Variants in CLCA1 observed in about 807,000 individuals in gnomAD.
CLCA1 encodes the protein calcium-activated chloride channel regulator 1.
A neutral mutation model predicts 85.6 loss-of-function variants in CLCA1; 59 were observed. The observed-to-expected ratio is 0.69, with a 90% confidence interval of 0.56 to 0.86. The LOEUF is 0.86. Ranked by LOEUF, CLCA1 falls within the 40% of genes least tolerant of loss-of-function variation. CLCA1 has a pLI of 0.00. For synonymous variants in CLCA1, 396 were observed against 398.3 expected, an observed-to-expected ratio of 0.99 and a Z score of 0.07; for missense variants, 1,022 against 1,101.4, an observed-to-expected ratio of 0.93 and a Z score of 1.02.
chr1:86,488,244 C>T (rs1368650164), intron 7 of CLCA1, among the ~76,000 whole-genome samples: 3 of 146,878 alleles, frequency 2.0e-5, no homozygotes, highest in African/African-American at 8.2e-5. Flanking sequence ...CCTTCCACTC[C>T]GTTTAGGGGA....
chr1:86,494,417 A>C lies in CLCA1; in HGVS notation c.1911A>C (p.Thr637=). 6.2e-7 allele frequency: 1 copy of C among 1,614,238 alleles called. No homozygotes were observed. Among genetic ancestry groups the C allele is most frequent in the Non-Finnish European group, 8.5e-7 (1 of 1,180,028 alleles). Residue 637 remains threonine (T), a synonymous_variant, in exon 11 of 14, where the codon ACA becomes ACC. Coordinates refer to ENST00000394711, the MANE Select transcript of CLCA1 (RefSeq NM_001285.4). ...TALIESVNGK[T]VTLELLDNGA... The stretch of plus-strand genomic sequence containing the variant: ...TGATTGAATCAGTGAATGGAAAAAC[A>C]GTTACCTTGGAACTACTGGATAATG...
intron 12 of CLCA1, among the ~76,000 whole-genome samples, chr1:86,496,188 T>C (rs933673204): frequency 6.6e-6 from 1 of 152,176 alleles, no homozygotes; most frequent in African/African-American, 2.4e-5. Context: ...TTAATAAAGG[T>C]TTTATCATTA....
rs746120263 is a variant in CLCA1 at position 86,499,847 on chromosome 1, G to A, written c.2547G>A (p.Lys849=). 6 of 1,613,338 alleles carry A rather than the reference G, an allele frequency of 3.7e-6. No individual in the cohort carries two copies. Among genetic ancestry groups the A allele is most frequent in the Admixed American group, 1.7e-5 (1 of 60,008 alleles). ...TCATTGCTATTCAGGCTGTTGATAA[G>A]GTCGATCTGAAATCAGAAATATCCA... is the stretch of plus-strand genomic sequence containing the variant. ...DLFIAIQAVD[K]VDLKSEISNI... The change falls in exon 14 of 14, where the codon AAG becomes AAA. Residue 849 remains lysine (K), a synonymous_variant. Transcript: ENST00000394711.
chr1:86,499,793 C>T lies in CLCA1; in HGVS notation c.2493C>T (p.Asn831=), dbSNP rs976324650. 3.7e-6 allele frequency: 6 copies of T among 1,613,980 alleles called. No individual in the cohort carries two copies. The African/African-American group carries it at 5.3e-5, about 14-fold the overall frequency. Residue 831 remains asparagine, a synonymous_variant, in exon 14 of 14, where the codon AAC becomes AAT. Coordinates refer to ENST00000394711, the MANE Select transcript of CLCA1 (RefSeq NM_001285.4). ...SEEVFLFKPE[N]ITFENGTDLF... ...AAGTCTTTTTGTTTAAACCAGAAAA[C>T]ATTACTTTTGAAAATGGCACAGATC...
intron 11 of CLCA1, 58 bp from the exon 12 acceptor site, chr1:86,495,447 G>C: frequency 7.1e-7 from 1 of 1,399,760 alleles, no homozygotes; most frequent in African/African-American, 1.4e-5. Flanking sequence ...ATATGAGTTG[G>C]AAATATACAA....
intron 3 of CLCA1, among the ~76,000 whole-genome samples, chr1:86,474,948 CA>C (rs1399130114): frequency 6.6e-6 from 1 of 151,982 alleles, no homozygotes; most frequent in African/African-American, 2.4e-5. Flanking sequence ...GCACAGAAAA[CA>C]AGCAAACAAA....
intron 12 of CLCA1, among the ~76,000 whole-genome samples, chr1:86,496,248 T>C (rs1333404889): frequency 6.6e-6 from 1 of 152,244 alleles, no homozygotes; most frequent in African/African-American, 2.4e-5. Flanking sequence ...ATTTCTAATT[T>C]ATCCTAATGA....
At chr1:86,488,715 T>C (rs2791508) in intron 7 of CLCA1, among the ~76,000 whole-genome samples, 2,490 of 152,280 alleles carry the variant, frequency 0.016, 57 homozygotes, top group African/African-American at 0.057. Context: ...AGGAACACCT[T>C]CTTTGCTGTT....
At chr1:86,474,330 G>A (rs5744326) in intron 3 of CLCA1, among the ~76,000 whole-genome samples, 2,365 of 152,238 alleles carry the variant, frequency 0.016, 33 homozygotes, top group Non-Finnish European at 0.023. Flanking sequence ...CGAGGCGGGC[G>A]GATCACGAGG....
chr1:86,495,658 C>G lies in CLCA1; in HGVS notation c.2096C>G (p.Pro699Arg). ...IPQQSGALYI[P>R]GWIENDEIQW... is the part of the protein sequence containing the mutation. ...CAGCAGAGTGGAGCACTGTACATAC[C>G]TGGCTGGATTGAGAATGGTAAGTAA... The change falls in exon 12 of 14, where the codon CCT becomes CGT. Residue 699 changes from proline (P) to arginine (R), a missense_variant. By Grantham distance (103) the Pro-to-Arg change is moderately radical (BLOSUM62 -2). Coordinates refer to ENST00000394711, the MANE Select transcript of CLCA1 (RefSeq NM_001285.4). 1 of 1,608,784 alleles carries G rather than the reference C, an allele frequency of 6.2e-7. No homozygotes were observed. Among genetic ancestry groups the G allele is most frequent in the Non-Finnish European group, 8.5e-7 (1 of 1,177,880 alleles).
intron 8 of CLCA1, among the ~76,000 whole-genome samples, chr1:86,489,545 A>G (rs142135460): frequency 1.8e-4 from 28 of 152,376 alleles, no homozygotes; most frequent in African/African-American, 6.3e-4. Flanking sequence ...AGAAAGTACA[A>G]TAAAGCACAA....
intron 4 of CLCA1, among the ~76,000 whole-genome samples, chr1:86,477,005 G>T (rs1340144179): frequency 6.6e-6 from 1 of 152,184 alleles, no homozygotes; most frequent in Non-Finnish European, 1.5e-5. Flanking sequence ...AGCCTCCCGG[G>T]CTCAAGCAAT....
At chr1:86,488,920 T>C (rs1648060818) in intron 7 of CLCA1, 76 bp from the exon 8 acceptor site, 1 of 1,286,444 alleles carries the variant, frequency 7.8e-7, no homozygotes, top group South Asian at 1.4e-5. Flanking sequence ...CTTTTCTCCT[T>C]TCCTGTAAGC....
intron 12 of CLCA1, among the ~76,000 whole-genome samples, chr1:86,496,581 T>C (rs1648292287): frequency 6.6e-6 from 1 of 152,210 alleles, no homozygotes; most frequent in Non-Finnish European, 1.5e-5. Context: ...GCAGGCTTTC[T>C]CCTGAGGTTG....
At chr1:86,488,415 A>T (rs1218590205) in intron 7 of CLCA1, among the ~76,000 whole-genome samples, 1 of 152,246 alleles carries the variant, frequency 6.6e-6, no homozygotes, top group South Asian at 2.1e-4. Flanking sequence ...TAGTTGAGAC[A>T]TAGGTGTCAC....
chr1:86,493,639 G>C (rs563619800), intron 10 of CLCA1, 40 bp downstream of exon 10: 1 of 1,451,466 alleles, frequency 6.9e-7, no homozygotes, highest in Admixed American at 1.7e-5. Flanking sequence ...AATTCAACAA[G>C]ATAAAATAAA....
chr1:86,495,553 C>T lies in CLCA1; in HGVS notation c.1991C>T (p.Thr664Ile), dbSNP rs755153723. 6 of 1,614,028 alleles carry T rather than the reference C, an allele frequency of 3.7e-6. No individual in the cohort carries two copies. In the Admixed American group the frequency reaches 6.7e-5, roughly 18 times the overall value. Residue 664 changes from threonine (T) to isoleucine (I), a missense_variant, in exon 12 of 14, where the codon ACT (threonine) becomes ATT (isoleucine). By Grantham distance (89) the Thr-to-Ile change is moderately conservative. Coordinates refer to ENST00000394711, the MANE Select transcript of CLCA1 (RefSeq NM_001285.4). ...GGTGTCTACTCAAGGTATTTCACAACTTATGACACGAATGGTAGATACAGT... is the reference window on the plus strand; with the variant it reads ...GGTGTCTACTCAAGGTATTTCACAATTTATGACACGAATGGTAGATACAGT... ...DDGVYSRYFT[T>I]YDTNGRYSVK...
intron 4 of CLCA1, among the ~76,000 whole-genome samples, chr1:86,481,532 T>C (rs1269777673): frequency 6.6e-6 from 1 of 152,136 alleles, no homozygotes; most frequent in South Asian, 2.1e-4. Flanking sequence ...CAGTGAGTGT[T>C]ATGTTGATAT....
chr1:86,475,145 C>T (rs1647608737), intron 3 of CLCA1, among the ~76,000 whole-genome samples: 1 of 152,218 alleles, frequency 6.6e-6, no homozygotes, highest in Non-Finnish European at 1.5e-5. Context: ...CCTCATCCCA[C>T]TCCTGAGCCC....
Sources: gnomAD v4.1 joint callset for allele counts (sites outside exome capture counted in the v4.1 genomes callset) on GRCh38, gnomAD v4.1.1 for gene constraint, MANE v1.5 for transcripts, NCBI Gene and HGNC (gene_info 2026-07-23, HGNC 2026-07-21) for gene names.